CCSER1: variants seen among roughly 807,000 people sequenced by gnomAD.
The protein encoded by CCSER1 is serine-rich coiled-coil domain-containing protein 1.
A neutral mutation model predicts 82.0 loss-of-function variants in CCSER1; 41 were observed. The ratio of observed to expected loss-of-function variants is 0.50; its 90% CI spans 0.39 to 0.65. CCSER1 has a LOEUF of 0.65. Among genes scored for constraint, CCSER1 ranks in the 30% least tolerant of loss-of-function variants. The pLI, the probability that CCSER1 is intolerant of heterozygous loss-of-function variation, is 0.00. For synonymous variants in CCSER1, 414 were observed against 383.9 expected (o/e 1.08, Z -0.92); for missense variants, 1,119 against 1,064.2 (o/e 1.05, Z -0.72).
chr4:90,439,477 T>C, intron 4 of CCSER1, among the ~76,000 whole-genome samples: 1 of 152,352 alleles, frequency 6.6e-6, no homozygotes, highest in Non-Finnish European at 1.5e-5. Flanking sequence ...CAAAAGACTA[T>C]ACTTCTAATA....
At chr4:90,429,081 G>A (rs1283745603) in intron 4 of CCSER1, among the ~76,000 whole-genome samples, 2 of 151,774 alleles carry the variant, frequency 1.3e-5, no homozygotes, top group Non-Finnish European at 3.0e-5. Flanking sequence ...ATTTGTGTGT[G>A]TTGGGGGGTA....
In CCSER1 at chr4:90,932,945, A is replaced by AG. The variant is rs1427682467; in HGVS notation, c.2172+9499dup. On this transcript the variant is annotated intron_variant, in intron 9 of 10. Transcript: ENST00000509176. ...AAGAAAGAAAGAAAGAAAGAAAGAA[A>AG]GAAAGAAAGAAAGAAAGAAAGAAAG... Among the ~76,000 whole-genome samples the AG allele has an allele frequency of 5.0e-4, 19 of 38,140 alleles. 3 individuals are homozygous for AG. The highest frequency in any genetic ancestry group is 4.3e-3 in the African/African-American group (18 of 4,214). The allele number at this position is 38,140 out of a possible 152,430, so 25.0% of individuals were successfully genotyped here.
At chr4:91,175,035 A>G (rs891358675) in intron 10 of CCSER1, among the ~76,000 whole-genome samples, 2 of 151,868 alleles carry the variant, frequency 1.3e-5, no homozygotes, top group African/African-American at 4.8e-5. Flanking sequence ...GAGTGTTCTC[A>G]TTGGTCAATT....
chr4:91,438,045 G>T (rs1038646237), intron 10 of CCSER1, among the ~76,000 whole-genome samples: 51 of 152,042 alleles, frequency 3.4e-4, no homozygotes, highest in Non-Finnish European at 7.4e-5. Context: ...CTCCACCTCT[G>T]GGGGCAGGGC....
chr4:90,831,845 C>A lies in CCSER1; in HGVS notation c.2094+16000C>A, dbSNP rs189925563. ...AAGAGAAGAGGAAAAAATTATGTTA[C>A]CTAATATTCCACTACCTCAATATAG... On this transcript the variant is annotated intron_variant, in intron 8 of 10. Coordinates refer to ENST00000509176, the MANE Select transcript of CCSER1 (RefSeq NM_001145065.2). Among the ~76,000 whole-genome samples the A allele has an allele frequency of 8.2e-4, 125 of 152,122 alleles. 2 individuals are homozygous for A. The East Asian group carries it at 0.017, about 21-fold the overall frequency.
intron 7 of CCSER1, among the ~76,000 whole-genome samples, chr4:90,774,819 A>T (rs2149581966): frequency 6.6e-6 from 1 of 152,228 alleles, no homozygotes; most frequent in East Asian, 1.9e-4. Context: ...AGTCATCCAC[A>T]CAACACTTCC....
chr4:91,165,816 A>G (rs1043631905), intron 10 of CCSER1, among the ~76,000 whole-genome samples: 5 of 152,216 alleles, frequency 3.3e-5, no homozygotes, highest in Non-Finnish European at 5.9e-5. Flanking sequence ...GATTGTCCCA[A>G]TGTTCCAGAT....
intron 9 of CCSER1, among the ~76,000 whole-genome samples, chr4:90,923,952 G>A (rs1343563706): frequency 1.3e-5 from 2 of 152,100 alleles, no homozygotes; most frequent in African/African-American, 2.4e-5. Context: ...CTGTTAGTGC[G>A]AAATACTTGT....
At chr4:90,770,419 A>G (rs1163123531) in intron 7 of CCSER1, among the ~76,000 whole-genome samples, 2 of 152,224 alleles carry the variant, frequency 1.3e-5, no homozygotes, top group East Asian at 3.8e-4. Context: ...GGGCATATAA[A>G]TATTAACATT....
intron 10 of CCSER1, among the ~76,000 whole-genome samples, chr4:91,440,728 C>A (rs912392053): frequency 2.6e-5 from 4 of 151,744 alleles, no homozygotes; most frequent in African/African-American, 9.7e-5. Flanking sequence ...ACTAGCAAGA[C>A]TAATAAAGAA....
intron 1 of CCSER1, among the ~76,000 whole-genome samples, chr4:90,157,852 C>T (rs1374653485): frequency 8.5e-5 from 13 of 152,178 alleles, no homozygotes; most frequent in Non-Finnish European, 1.6e-4. Flanking sequence ...GTTTGATTGT[C>T]TGAACCCTTC....
rs552893878 is a variant in CCSER1 at position 90,578,517 on chromosome 4, T to A, written c.1725-49508T>A. On this transcript the variant is annotated intron_variant, in intron 5 of 10. Coordinates refer to ENST00000509176, the MANE Select transcript of CCSER1 (RefSeq NM_001145065.2). The stretch of plus-strand genomic sequence containing the variant: ...TTCAGAGTTACCACAAAGAATACTT[T>A]TAAGAGTTATAATTCTCTTAGAGAA... 2.0e-5 allele frequency among the ~76,000 whole-genome samples: 3 copies of A among 152,300 alleles called. No individual in the cohort carries two copies. In the South Asian group the frequency reaches 6.2e-4, roughly 32 times the overall value.
intron 6 of CCSER1, among the ~76,000 whole-genome samples, chr4:90,684,069 A>G (rs930131100): frequency 3.9e-5 from 6 of 152,154 alleles, no homozygotes; most frequent in Non-Finnish European, 7.4e-5. Flanking sequence ...TTTTGAATTA[A>G]CGGCCTCACA....
At chr4:90,853,915 C>T (rs1175352878) in intron 8 of CCSER1, among the ~76,000 whole-genome samples, 3 of 151,968 alleles carry the variant, frequency 2.0e-5, no homozygotes, top group African/African-American at 4.8e-5. Flanking sequence ...GGATGCAGCC[C>T]ACCTACCCCA....
At chr4:90,838,895 A>T (rs1580719028) in intron 8 of CCSER1, 1 of 1,613,052 alleles carries the variant, frequency 6.2e-7, no homozygotes. Context: ...TTGGCGGCGC[A>T]CGCCTCATTA....
At chr4:90,343,299 A>AC (rs1301534113) in intron 3 of CCSER1, among the ~76,000 whole-genome samples, 7 of 152,076 alleles carry the variant, frequency 4.6e-5, no homozygotes, top group African/African-American at 1.7e-4. Flanking sequence ...CACTGTCATT[A>AC]CCTAAATTCA....
intron 4 of CCSER1, among the ~76,000 whole-genome samples, chr4:90,420,150 AT>A (rs1056387979): frequency 7.2e-5 from 11 of 151,964 alleles, no homozygotes; most frequent in Non-Finnish European, 1.0e-4. Flanking sequence ...AAAATTTAAT[AT>A]TTTTTATTAG....
At chr4:90,449,627 A>T (rs1761157366) in intron 4 of CCSER1, among the ~76,000 whole-genome samples, 1 of 152,220 alleles carries the variant, frequency 6.6e-6, no homozygotes, top group South Asian at 2.1e-4. Context: ...AAGAAGGCTG[A>T]GGCAGCAGGG....
At chr4:91,121,861 A>T (rs1378682333) in intron 10 of CCSER1, among the ~76,000 whole-genome samples, 1 of 151,568 alleles carries the variant, frequency 6.6e-6, no homozygotes. Context: ...TTTGACATCC[A>T]TAATTTCTAT....
Sources: allele counts gnomAD v4.1 joint callset (sites outside exome capture counted in the v4.1 genomes callset), GRCh38; gene constraint gnomAD v4.1.1; transcripts MANE v1.5; gene names NCBI Gene and HGNC (gene_info 2026-07-23, HGNC 2026-07-21).